The following TBCE variants were observed in gnomAD, a reference collection of about 807,000 sequenced individuals.
TBCE encodes tubulin folding cofactor E, also known as tubulin-specific chaperone E.
A neutral mutation model predicts 77.0 loss-of-function variants in TBCE; 53 were observed. That is an observed-to-expected ratio of 0.69 (90% CI 0.55 to 0.87). The LOEUF is 0.87. Ranked by LOEUF, TBCE falls within the 40% of genes least tolerant of loss-of-function variation. TBCE has a pLI of 0.00. For missense variants in TBCE, 624 were observed against 622.4 expected (o/e 1.00, Z -0.03); for synonymous variants, 235 against 241.3 (o/e 0.97, Z 0.24).
intron 1 of TBCE, among the ~76,000 whole-genome samples, chr1:235,368,552 CTTTTTTTTTTT>C (rs757168655): frequency 1.2e-4 from 6 of 49,770 alleles, no homozygotes; most frequent in Non-Finnish European, 1.7e-4. Context: ...GGACAGCCTG[CTTTTTTTTTTT>C]TTTTTTTTTT....
At chr1:235,424,408 T>A (rs1281751206) in intron 5 of TBCE, among the ~76,000 whole-genome samples, 1 of 72,368 alleles carries the variant, frequency 1.4e-5, no homozygotes, top group Non-Finnish European at 2.4e-5. Flanking sequence ...CACCGCAACC[T>A]TCTGGCACCC....
intron 13 of TBCE, among the ~76,000 whole-genome samples, chr1:235,440,654 A>G (rs1029915995): frequency 7.2e-5 from 11 of 152,118 alleles, no homozygotes; most frequent in Middle Eastern, 6.8e-3. Flanking sequence ...TCAGCCTCCC[A>G]AAGTGCTGGG....
At chr1:235,424,438 C>T (rs1012375664) in intron 5 of TBCE, among the ~76,000 whole-genome samples, 1 of 148,504 alleles carries the variant, frequency 6.7e-6, no homozygotes, top group Non-Finnish European at 1.5e-5. Context: ...GATTCTTCTG[C>T]CTCAGCCCCC....
intron 12 of TBCE, 81 bp from the exon 13 acceptor site, chr1:235,438,684 TGGAG>T: frequency 6.6e-7 from 1 of 1,509,762 alleles, no homozygotes; most frequent in Non-Finnish European, 9.2e-7. Flanking sequence ...GCATGTGCTA[TGGAG>T]GAAGGACAAG....
At chr1:235,434,601 A>G (rs1401102724) in intron 8 of TBCE, among the ~76,000 whole-genome samples, 1 of 146,842 alleles carries the variant, frequency 6.8e-6, no homozygotes, top group East Asian at 2.0e-4. Context: ...TGCAGTGGCG[A>G]TCTTGGCTCA....
chr1:235,430,818 T>A lies in TBCE; in HGVS notation c.660+14T>A, dbSNP rs1681042997. 6.3e-7 allele frequency: 1 copy of A among 1,596,954 alleles called. No homozygotes were observed. The highest frequency in any genetic ancestry group is 8.6e-7 in the Non-Finnish European group (1 of 1,164,898). ...ACGTGGGCTGAGGTAATCATATTTCTTTGTTTTATTACACATTAATAAGCA... is the reference window on the plus strand; with the variant it reads ...ACGTGGGCTGAGGTAATCATATTTCATTGTTTTATTACACATTAATAAGCA... On this transcript the variant is annotated intron_variant, in intron 7 of 16. Coordinates refer to ENST00000642610, the MANE Select transcript of TBCE (RefSeq NM_003193.5).
intron 1 of TBCE, among the ~76,000 whole-genome samples, chr1:235,375,488 G>C (rs1677238938): frequency 6.6e-6 from 1 of 152,052 alleles, no homozygotes; most frequent in Admixed American, 6.6e-5. Context: ...CTAAAATGGG[G>C]CTGGGGGTGG....
In TBCE at chr1:235,438,778, G is replaced by A. The variant is rs1375662910; in HGVS notation, c.1126G>A (p.Glu376Lys). The A allele has an allele frequency of 1.2e-6, 2 of 1,614,124 alleles. No homozygotes were observed. Among genetic ancestry groups the A allele is most frequent in the Non-Finnish European group, 8.5e-7 (1 of 1,180,018 alleles). ...KTLNKCEILPEERRRAELDYR... is the reference protein window; with the variant it reads ...KTLNKCEILPKERRRAELDYR... ...TGTCACATGAACATAGATTCTCCCCGAGGAGAGGCGGAGAGCTGAGCTTGA... is the reference window on the plus strand; with the variant it reads ...TGTCACATGAACATAGATTCTCCCCAAGGAGAGGCGGAGAGCTGAGCTTGA... The change falls in exon 13 of 17, where the codon GAG becomes AAG. Residue 376 changes from glutamate (E) to lysine (K), a missense_variant. Physicochemically the swap from Glu to Lys is moderately conservative, Grantham distance 56 (BLOSUM62 1). Transcript: ENST00000642610.
intron 3 of TBCE, among the ~76,000 whole-genome samples, chr1:235,409,502 G>A (rs1045044888): frequency 1.3e-5 from 2 of 151,992 alleles, no homozygotes; most frequent in African/African-American, 4.8e-5. Context: ...ACTATTTGTT[G>A]AGGCTGTTTT....
chr1:235,432,832 G>C (rs1383417935), intron 7 of TBCE: 2 of 397,750 alleles, frequency 5.0e-6, no homozygotes, highest in Non-Finnish European at 7.1e-6. Flanking sequence ...GACCCACCTA[G>C]GCAACATAGA....
chr1:235,399,161 C>T (rs1678930179), intron 2 of TBCE, among the ~76,000 whole-genome samples: 1 of 151,876 alleles, frequency 6.6e-6, no homozygotes. Flanking sequence ...TGCCATGTTG[C>T]CTAGGCTGGT....
rs1233950058 is a variant in TBCE at position 235,394,077 on chromosome 1, T to TTTTA, written c.101-7418_101-7415dup. On this transcript the variant is annotated intron_variant, in intron 2 of 16. Coordinates refer to ENST00000642610, the MANE Select transcript of TBCE (RefSeq NM_003193.5). ...AAATTTGTAACAAATTTTATTTTAT[T>TTTTA]TTTATTTATTTTTTTGAGACGGAGT... 6.1e-3 allele frequency among the ~76,000 whole-genome samples: 922 copies of TTTTA among 152,278 alleles called. 8 individuals carry two copies. The highest frequency in any genetic ancestry group is 0.021 in the African/African-American group (888 of 41,560).
intron 6 of TBCE, chr1:235,429,722 AT>A (rs35728731): frequency 5.8e-4 from 84 of 145,266 alleles, no homozygotes; most frequent in Non-Finnish European, 6.6e-4. Flanking sequence ...GGCTTCCTCC[AT>A]TTTTTTTTTT....
chr1:235,425,858 C>T (rs1376603751), intron 5 of TBCE, among the ~76,000 whole-genome samples: 1 of 152,162 alleles, frequency 6.6e-6, no homozygotes, highest in East Asian at 1.9e-4. Context: ...TGCTCAGATG[C>T]CCTCTTAGAG....
rs527277796 is a variant in TBCE at position 235,434,390 on chromosome 1, A to T, written c.737+110A>T. 14 of 951,544 alleles carry T rather than the reference A, an allele frequency of 1.5e-5. No individual in the cohort carries two copies. In the African/African-American group the frequency reaches 1.9e-4, roughly 13 times the overall value. The allele number at this position is 951,544 out of a possible 1,614,324, so 58.9% of individuals were successfully genotyped here. A position where few individuals can be genotyped will look rare whatever the true frequency, so the allele number is the denominator to read the frequency against. On this transcript the variant is annotated intron_variant, in intron 8 of 16. Coordinates refer to ENST00000642610, the MANE Select transcript of TBCE (RefSeq NM_003193.5). ...ATTTTTAGAAGGATTTGCAAACAAG[A>T]ATTAGGAAAAATGCTTATTATTCAT...
At position 235,385,960 on chromosome 1, in the gene TBCE, G is replaced by C. The variant is rs564093414; in HGVS notation, c.100+5811G>C. Among the ~76,000 whole-genome samples, 118 of 152,272 alleles carry C rather than the reference G, an allele frequency of 7.7e-4. 1 individual carries two copies. Among genetic ancestry groups the C allele is most frequent in the African/African-American group, 2.8e-3 (116 of 41,558 alleles). Reference sequence around the variant, plus strand: ...GATTTTGCAGTGGCTGGTACCAGTTGTTCCTTTCCATGTTTAGTGCTTCCT... The same window carrying C: ...GATTTTGCAGTGGCTGGTACCAGTTCTTCCTTTCCATGTTTAGTGCTTCCT... On this transcript the variant is annotated intron_variant, in intron 2 of 16. Transcript: ENST00000642610.
intron 13 of TBCE, among the ~76,000 whole-genome samples, chr1:235,439,534 C>G (rs903837410): frequency 1.3e-5 from 2 of 151,606 alleles, no homozygotes; most frequent in African/African-American, 4.8e-5. Context: ...CTCTGTCGCC[C>G]AGGCCCAGGC....
At chr1:235,408,882 G>T (rs1260658678) in intron 3 of TBCE, among the ~76,000 whole-genome samples, 2 of 152,062 alleles carry the variant, frequency 1.3e-5, no homozygotes, top group East Asian at 3.8e-4. Flanking sequence ...GCTCCAACAA[G>T]AAAGAAGCTT....
At position 235,448,331 on chromosome 1, in the gene TBCE, TTTC is replaced by T. The variant is rs763283292; in HGVS notation, c.1400-15_1400-13del. The T allele has an allele frequency of 1.9e-6, 3 of 1,612,468 alleles. No homozygotes were observed. Among genetic ancestry groups the T allele is most frequent in the Admixed American group, 1.7e-5 (1 of 59,992 alleles). ...TGTCATTTGAGAGAACGAATGGACT[TTTC>T]TTGTCTTTTGATAGGCTCCATGACA... On this transcript the variant is annotated splice_polypyrimidine_tract_variant and intron_variant, in intron 15 of 16. Transcript: ENST00000642610.
Sources: allele counts gnomAD v4.1 joint callset (sites outside exome capture counted in the v4.1 genomes callset), GRCh38; gene constraint gnomAD v4.1.1; transcripts MANE v1.5; gene names NCBI Gene and HGNC (gene_info 2026-07-23, HGNC 2026-07-21).